The following KL variants were observed in gnomAD, a reference collection of about 807,000 sequenced individuals.
The protein encoded by KL is alpha-klotho.
KL carries 62 observed loss-of-function variants against 84.2 expected under a neutral mutation model. The ratio of observed to expected loss-of-function variants is 0.74; its 90% confidence interval spans 0.60 to 0.91. KL has a LOEUF of 0.91. KL is among the 40% of genes least tolerant of loss of function. The pLI, the probability that KL is intolerant of heterozygous loss-of-function variation, is 0.00. For missense variants in KL, 1,261 were observed against 1,305.7 expected, an observed-to-expected ratio of 0.97 and a Z score of 0.53; for synonymous variants, 528 against 528.0, an observed-to-expected ratio of 1.00 and a Z score of 0.00.
chr13:33,048,929 C>T (rs1047400103), intron 1 of KL, among the ~76,000 whole-genome samples: 1 of 152,236 alleles, frequency 6.6e-6, no homozygotes, highest in Admixed American at 6.5e-5. Flanking sequence ...TTATTTTCCT[C>T]GACTTCCAAA....
intron 1 of KL, among the ~76,000 whole-genome samples, chr13:33,035,894 T>C (rs1387973946): frequency 1.3e-5 from 2 of 152,250 alleles, no homozygotes; most frequent in African/African-American, 4.8e-5. Context: ...CAATCTCTGA[T>C]TTATTGATGT....
chr13:33,060,663 A>C lies in KL; in HGVS notation c.1600-16A>C. On this transcript the variant is annotated splice_polypyrimidine_tract_variant and intron_variant, in intron 3 of 4. Transcript: ENST00000380099. ...GACTGCCCAGGTGACGCTAATGTTT[A>C]CTCTGCCCTTCACAGGTAGATACCA... The C allele has an allele frequency of 6.2e-7, 1 of 1,614,016 alleles. No homozygotes were observed. The highest frequency in any genetic ancestry group is 8.5e-7 in the Non-Finnish European group (1 of 1,179,980).
intron 1 of KL, among the ~76,000 whole-genome samples, chr13:33,052,534 T>C (rs1444007808): frequency 6.6e-6 from 1 of 152,204 alleles, no homozygotes; most frequent in Admixed American, 6.5e-5. Flanking sequence ...AGTAGATATG[T>C]TCACCAAGAA....
In KL at chr13:33,061,280, G is replaced by A; in HGVS notation, c.2201G>A (p.Trp734Ter). ...ATATCCATAGCCTTGCAGGCTGATT[G>A]GATAGAACCTGCCTGCCCTTTCTCC... ...GKISIALQADWIEPACPFSQK... is the reference protein window; with the variant it reads ...GKISIALQAD The change falls in exon 4 of 5, where the codon TGG becomes TAG. Residue 734 changes from tryptophan to a stop codon, truncating the protein, a stop_gained. Coordinates refer to ENST00000380099, the MANE Select transcript of KL (RefSeq NM_004795.4). LOFTEE classifies it high-confidence loss of function. 6.2e-7 allele frequency: 1 copy of A among 1,614,208 alleles called. No homozygotes were observed. The highest frequency in any genetic ancestry group is 8.5e-7 in the Non-Finnish European group (1 of 1,180,042).
chr13:33,017,645 CGCACAGATA>C (rs1324626550), intron 1 of KL, among the ~76,000 whole-genome samples: 3 of 152,234 alleles, frequency 2.0e-5, no homozygotes, highest in Non-Finnish European at 4.4e-5. Context: ...GTTCTTAAGC[CGCACAGATA>C]GCATTACTCT....
At chr13:33,021,237 G>A (rs1870564046) in intron 1 of KL, among the ~76,000 whole-genome samples, 1 of 152,160 alleles carries the variant, frequency 6.6e-6, no homozygotes, top group African/African-American at 2.4e-5. Flanking sequence ...ATGGAACAGA[G>A]ACTACCAAAT....
chr13:33,042,665 G>T (rs1055277239), intron 1 of KL, among the ~76,000 whole-genome samples: 2 of 152,114 alleles, frequency 1.3e-5, no homozygotes, highest in Non-Finnish European at 2.9e-5. Context: ...CTGCTATTGC[G>T]ATTTAAGCTA....
intron 3 of KL, among the ~76,000 whole-genome samples, chr13:33,059,480 AT>A (rs901378503): frequency 1.5e-4 from 22 of 146,194 alleles, no homozygotes; most frequent in African/African-American, 1.0e-4. Context: ...CTTTTTTTCT[AT>A]TTTTTTTTTG....
rs1191018885 is a variant in KL, at chr13:33,016,715, C to G, written c.275C>G (p.Thr92Arg). 2 of 1,610,688 alleles carry G rather than the reference C, an allele frequency of 1.2e-6. No homozygotes were observed. Among genetic ancestry groups the G allele is most frequent in the African/African-American group, 2.7e-5 (2 of 74,988 alleles). ...QHGKGASIWD[T>R]FTHHPLAPPG... ...GGCAAGGGTGCGTCCATCTGGGATA[C>G]GTTCACCCACCACCCCCTGGCACCC... The change falls in exon 1 of 5, where the codon ACG (threonine) becomes AGG (arginine). Residue 92 changes from threonine to arginine, a missense_variant. Physicochemically the swap from Thr to Arg is moderately conservative, Grantham distance 71 (BLOSUM62 -1). Coordinates refer to ENST00000380099, the MANE Select transcript of KL (RefSeq NM_004795.4).
At chr13:33,034,887 T>A (rs1485989601) in intron 1 of KL, among the ~76,000 whole-genome samples, 4 of 152,200 alleles carry the variant, frequency 2.6e-5, no homozygotes, top group African/African-American at 9.7e-5. Flanking sequence ...CCATGTTGAA[T>A]ATACACCATT....
chr13:33,031,215 A>T (rs1276348926), intron 1 of KL, among the ~76,000 whole-genome samples: 2 of 152,238 alleles, frequency 1.3e-5, no homozygotes, highest in African/African-American at 4.8e-5. Context: ...GCAAAATTGT[A>T]GTAAATACAT....
intron 1 of KL, among the ~76,000 whole-genome samples, chr13:33,047,968 T>A (rs1431433645): frequency 6.6e-6 from 1 of 152,188 alleles, no homozygotes; most frequent in Admixed American, 6.5e-5. Context: ...AGAATTTTCA[T>A]GTTTTCTTCA....
chr13:33,021,546 C>G (rs963387583), intron 1 of KL, among the ~76,000 whole-genome samples: 2 of 152,142 alleles, frequency 1.3e-5, no homozygotes, highest in Non-Finnish European at 2.9e-5. Context: ...ATTACATATA[C>G]TATGCACTTT....
intron 1 of KL, among the ~76,000 whole-genome samples, chr13:33,046,690 G>A (rs1343432854): frequency 6.8e-6 from 1 of 147,128 alleles, no homozygotes; most frequent in African/African-American, 2.5e-5. Flanking sequence ...TGTGAGTTTA[G>A]TTGGCTCTTC....
rs1307286259 is a variant in KL, at chr13:33,060,904, T to C, written c.1825T>C (p.Ser609Pro). Residue 609 changes from serine to proline, a missense_variant, in exon 4 of 5, where the codon TCC (serine) becomes CCC (proline). Transcript: ENST00000380099. Reference sequence around the variant, plus strand: ...CCTGATTCTCCCTCTGGGTAACCAGTCCCAGGTGAACCACACCATCCTGCA... The same window carrying C: ...CCTGATTCTCCCTCTGGGTAACCAGCCCCAGGTGAACCACACCATCCTGCA... ...WALILPLGNQ[S>P]QVNHTILQYY... The C allele has an allele frequency of 4.3e-6, 7 of 1,614,026 alleles. No homozygotes were observed. In the African/African-American group the frequency reaches 9.3e-5, roughly 22 times the overall value.
chr13:33,035,802 C>T (rs769107883), intron 1 of KL, among the ~76,000 whole-genome samples: 1 of 152,068 alleles, frequency 6.6e-6, no homozygotes, highest in Non-Finnish European at 1.5e-5. Context: ...TGATTTTCAC[C>T]GCAGCATGAT....
intron 1 of KL, among the ~76,000 whole-genome samples, chr13:33,031,917 G>A (rs2138202100): frequency 6.6e-6 from 1 of 151,806 alleles, no homozygotes; most frequent in Non-Finnish European, 1.5e-5. Flanking sequence ...AATTTCTAGA[G>A]TCCTTTTTTT....
In KL at chr13:33,027,445, C is replaced by T. The variant is rs184597448; in HGVS notation, c.819+10186C>T. Among the ~76,000 whole-genome samples the T allele has an allele frequency of 2.1e-3, 327 of 152,322 alleles. 1 individual carries two copies. The highest frequency in any genetic ancestry group is 7.2e-3 in the African/African-American group (298 of 41,562). Reference sequence around the variant, plus strand: ...GATCTGCCTTGGCTGAGCATTTAAACATCCCTAAATCTCTGCAAGTCTATC... The same window carrying T: ...GATCTGCCTTGGCTGAGCATTTAAATATCCCTAAATCTCTGCAAGTCTATC... On this transcript the variant is annotated intron_variant, in intron 1 of 4. Coordinates refer to ENST00000380099, the MANE Select transcript of KL (RefSeq NM_004795.4).
intron 1 of KL, among the ~76,000 whole-genome samples, chr13:33,034,781 T>G (rs746334687): frequency 6.1e-4 from 93 of 152,342 alleles, no homozygotes; most frequent in Admixed American, 1.8e-3. Flanking sequence ...ACACAATAGA[T>G]GCTCAATAAA....
Sources: allele counts gnomAD v4.1 joint callset (sites outside exome capture counted in the v4.1 genomes callset), GRCh38; gene constraint gnomAD v4.1.1; transcripts MANE v1.5; gene names NCBI Gene and HGNC (gene_info 2026-07-23, HGNC 2026-07-21).